LINGO2: variants seen among roughly 807,000 people sequenced by gnomAD.
The protein encoded by LINGO2 is leucine rich repeat and Ig domain containing 2, also known as leucine-rich repeat and immunoglobulin-like domain-containing nogo receptor-interacting protein 2.
Under a neutral mutation model 30.6 loss-of-function variants are expected in LINGO2, and 14 were observed. That is an observed-to-expected ratio of 0.46 (90% CI 0.30 to 0.72). The LOEUF (loss-of-function observed/expected upper bound fraction) is 0.72. Among genes scored for constraint, LINGO2 ranks in the 30% least tolerant of loss-of-function variants. LINGO2 has a pLI of 0.07. For missense variants in LINGO2, 729 were observed against 751.7 expected (o/e 0.97, Z 0.35); for synonymous variants, 317 against 288.5 (o/e 1.10, Z -1.00).
chr9:28,658,788 A>T (rs553931182), intron 1 of LINGO2, among the ~76,000 whole-genome samples: 18 of 152,240 alleles, frequency 1.2e-4, no homozygotes, highest in Admixed American at 9.8e-4. Context: ...AAACTAACAC[A>T]ATACCTGTAG....
intron 1 of LINGO2, among the ~76,000 whole-genome samples, chr9:28,640,340 T>C (rs1043719611): frequency 1.3e-5 from 2 of 152,086 alleles, no homozygotes; most frequent in African/African-American, 4.8e-5. Flanking sequence ...TGGCGTTCTT[T>C]GTATTTCCTT....
intron 4 of LINGO2, among the ~76,000 whole-genome samples, chr9:28,164,605 T>A (rs1163828408): frequency 1.3e-5 from 2 of 152,176 alleles, no homozygotes; most frequent in Non-Finnish European, 2.9e-5. Context: ...GATAAATGTC[T>A]TGAGAGTACA....
intron 5 of LINGO2, among the ~76,000 whole-genome samples, chr9:27,981,694 A>T (rs1422308817): frequency 6.6e-6 from 1 of 151,556 alleles, no homozygotes; most frequent in Non-Finnish European, 1.5e-5. Context: ...TTGTCCATCT[A>T]GATTAGTGAA....
At chr9:28,505,747 A>T (rs976823856) in intron 1 of LINGO2, among the ~76,000 whole-genome samples, 19 of 151,896 alleles carry the variant, frequency 1.3e-4, no homozygotes, top group Non-Finnish European at 2.7e-4. Context: ...TTCCGAGGCT[A>T]TCATTAGTGA....
chr9:28,048,448 G>A (rs536938779), intron 4 of LINGO2, among the ~76,000 whole-genome samples: 1 of 150,752 alleles, frequency 6.6e-6, no homozygotes, highest in East Asian at 2.0e-4. Flanking sequence ...TATCCCAAAT[G>A]GAACCTGAAG....
At chr9:27,952,839 T>G (rs1819383432) in intron 5 of LINGO2, among the ~76,000 whole-genome samples, 1 of 152,090 alleles carries the variant, frequency 6.6e-6, no homozygotes, top group South Asian at 2.1e-4. Flanking sequence ...TAGCATTTTC[T>G]GTGAATAAAG....
chr9:28,956,927 G>A, the LINGO2 span, among the ~76,000 whole-genome samples: 1 of 151,508 alleles, frequency 6.6e-6, no homozygotes, highest in South Asian at 2.1e-4. Flanking sequence ...CATCTCTTGG[G>A]ATGATAACAT....
chr9:28,045,248 C>T (rs1234555279), intron 4 of LINGO2, among the ~76,000 whole-genome samples: 3 of 152,120 alleles, frequency 2.0e-5, no homozygotes, highest in African/African-American at 7.2e-5. Context: ...AACACTGAGC[C>T]TGTAAAATAC....
the LINGO2 span, among the ~76,000 whole-genome samples, chr9:28,982,870 C>T: frequency 1.3e-5 from 2 of 152,046 alleles, no homozygotes; most frequent in South Asian, 4.1e-4. Context: ...ATACTTAATA[C>T]TATTAAAACC....
the LINGO2 span, among the ~76,000 whole-genome samples, chr9:29,077,724 C>T: frequency 2.0e-5 from 3 of 151,864 alleles, no homozygotes; most frequent in South Asian, 6.2e-4. Flanking sequence ...ATGAGCAGGG[C>T]TTTTAAGAGC....
intron 2 of LINGO2, among the ~76,000 whole-genome samples, chr9:28,453,037 T>G (rs2135081044): frequency 6.6e-6 from 1 of 152,070 alleles, no homozygotes; most frequent in Non-Finnish European, 1.5e-5. Flanking sequence ...ATGACTCTGA[T>G]ATAAATAAAG....
intron 4 of LINGO2, among the ~76,000 whole-genome samples, chr9:28,054,216 C>T (rs1824811660): frequency 6.6e-6 from 1 of 152,024 alleles, no homozygotes; most frequent in Non-Finnish European, 1.5e-5. Flanking sequence ...GAAATAGTGC[C>T]AGACAGAAAA....
At chr9:28,242,650 T>C (rs943402883) in intron 4 of LINGO2, among the ~76,000 whole-genome samples, 1 of 151,840 alleles carries the variant, frequency 6.6e-6, no homozygotes, top group South Asian at 2.1e-4. Context: ...CATGAGAAGA[T>C]CAACCCCAAG....
the LINGO2 span, among the ~76,000 whole-genome samples, chr9:29,030,922 T>C: frequency 6.6e-6 from 1 of 152,220 alleles, no homozygotes; most frequent in Non-Finnish European, 1.5e-5. Flanking sequence ...CTAAAATTGC[T>C]GGTCCCTCAC....
rs573268525 is a variant in LINGO2, at chr9:28,053,249, A to G, written c.-86-40844T>C. 4.6e-5 allele frequency among the ~76,000 whole-genome samples: 7 copies of G among 152,170 alleles called. 1 individual carries two copies. The highest frequency in any genetic ancestry group is 3.9e-4 in the Admixed American group (6 of 15,260). On this transcript the variant is annotated intron_variant, in intron 4 of 5. Coordinates refer to ENST00000379992, the Ensembl canonical transcript of LINGO2. ...GAGAATGGAGAGGAATTACATGACAAGGAGAGAGAGGGGCTCAGGCAGCAG... is the reference window on the plus strand; with the variant it reads ...GAGAATGGAGAGGAATTACATGACAGGGAGAGAGAGGGGCTCAGGCAGCAG...
intron 4 of LINGO2, among the ~76,000 whole-genome samples, chr9:28,293,008 G>C (rs1343133978): frequency 4.6e-5 from 7 of 151,946 alleles, no homozygotes; most frequent in Non-Finnish European, 7.4e-5. Flanking sequence ...TCCTAACCTT[G>C]TGATCCGCCT....
At chr9:28,557,569 C>T (rs1822791149) in intron 1 of LINGO2, among the ~76,000 whole-genome samples, 1 of 151,924 alleles carries the variant, frequency 6.6e-6, no homozygotes, top group African/African-American at 2.4e-5. Context: ...CTAGTTCAAC[C>T]ATTGTGGAAG....
chr9:28,029,431 G>T (rs1243106494), intron 4 of LINGO2, among the ~76,000 whole-genome samples: 1 of 152,172 alleles, frequency 6.6e-6, no homozygotes. Context: ...TTAACAGAAA[G>T]GAGAACGAAG....
At position 28,147,341 on chromosome 9, in the gene LINGO2, T is replaced by G. The variant is rs984024237; in HGVS notation, c.-86-134936A>C. 6.6e-6 allele frequency among the ~76,000 whole-genome samples: 1 copy of G among 151,998 alleles called. No homozygotes were observed. Among genetic ancestry groups the G allele is most frequent in the Non-Finnish European group, 1.5e-5 (1 of 67,986 alleles). Reference sequence around the variant, plus strand: ...ACCTGAGGAATGGTCTCAGGCAAATTTGTAAAAAGTGGAGACCCTGCCTGC... The same window carrying G: ...ACCTGAGGAATGGTCTCAGGCAAATGTGTAAAAAGTGGAGACCCTGCCTGC... On this transcript the variant is annotated intron_variant, in intron 4 of 5. Coordinates refer to ENST00000379992, the Ensembl canonical transcript of LINGO2. The surrounding 1 kb of genome is among the most constrained non-coding windows in gnomAD (Gnocchi z 4.7).
Sources: allele counts gnomAD v4.1 joint callset (sites outside exome capture counted in the v4.1 genomes callset), GRCh38; gene constraint gnomAD v4.1.1; non-coding constraint Gnocchi (gnomAD v3.1); transcripts MANE v1.5; gene names NCBI Gene and HGNC (gene_info 2026-07-23, HGNC 2026-07-21).